The following ATP2B2 variants were observed in gnomAD, a reference collection of about 807,000 sequenced individuals.
ATP2B2 encodes the protein ATPase plasma membrane Ca2+ transporting 2, also known as plasma membrane calcium-transporting ATPase 2.
In ATP2B2, 15 loss-of-function variants were observed where a neutral mutation model predicts 120.0. The observed-to-expected ratio is 0.12, with a 90% confidence interval of 0.08 to 0.19. ATP2B2 has a LOEUF of 0.19. ATP2B2 is among the 10% of genes least tolerant of loss of function. The pLI, the probability that ATP2B2 is intolerant of heterozygous loss-of-function variation, is 1.00. For synonymous variants in ATP2B2, 694 were observed against 700.3 expected (o/e 0.99, Z 0.14); for missense variants, 1,045 against 1,719.8 (o/e 0.61, Z 6.94).
intron 3 of ATP2B2, among the ~76,000 whole-genome samples, chr3:10,512,464 G>GCGTGCGCACA (rs749056818): frequency 3.7e-5 from 5 of 136,924 alleles, no homozygotes; most frequent in African/African-American, 1.4e-4. Flanking sequence ...AAGTGTGTGC[G>GCGTGCGCACA]CACACACACA....
chr3:10,443,556 G>A (rs781593119), intron 2 of ATP2B2, among the ~76,000 whole-genome samples: 5 of 151,866 alleles, frequency 3.3e-5, no homozygotes, highest in South Asian at 2.1e-4. Flanking sequence ...CGAAGCTGCC[G>A]GAGCCCCCAT....
chr3:10,351,042 T>G (rs1326869067), intron 14 of ATP2B2, among the ~76,000 whole-genome samples: 1 of 152,222 alleles, frequency 6.6e-6, no homozygotes, highest in Non-Finnish European at 1.5e-5. Context: ...GGGGGGACAT[T>G]TGCATTTGGG....
At chr3:10,666,494 C>A (rs1418979731) in intron 1 of ATP2B2, among the ~76,000 whole-genome samples, 1 of 152,198 alleles carries the variant, frequency 6.6e-6, no homozygotes, top group Non-Finnish European at 1.5e-5. Flanking sequence ...CCCACCAATG[C>A]CCAACCAATC....
Position 10,553,408 on chromosome 3 carries a change from T to C in ATP2B2, c.-414-19275A>G, listed in dbSNP as rs1009398193. The stretch of plus-strand genomic sequence containing the variant: ...GATTAATTCAGACTGGGAAAGAGGG[T>C]GGAGGGGAAGAACAATGGGATTGAG... On this transcript the variant is annotated intron_variant, in intron 2 of 21. Transcript: ENST00000646379. 3.3e-5 allele frequency among the ~76,000 whole-genome samples: 5 copies of C among 151,734 alleles called. No homozygotes were observed. In the East Asian group the frequency reaches 5.8e-4, roughly 18 times the overall value.
chr3:10,328,132 T>C lies in ATP2B2; in HGVS notation c.*682A>G, dbSNP rs1355118813. ...CCATGTATATATATTTATATATATA[T>C]ATATATATCTACCTATCTATATGGA... On this transcript the variant is annotated 3_prime_UTR_variant, in exon 23 of 23. Coordinates refer to ENST00000360273, the MANE Select transcript of ATP2B2 (RefSeq NM_001001331.4). 1 of 149,626 alleles carries C rather than the reference T, an allele frequency of 6.7e-6. No individual in the cohort carries two copies. The highest frequency in any genetic ancestry group is 2.4e-5 in the African/African-American group (1 of 40,976). 9.3% of individuals were successfully genotyped at this position (149,626 alleles called of 1,614,324 possible).
intron 2 of ATP2B2, among the ~76,000 whole-genome samples, chr3:10,413,339 T>C (rs34911): frequency 0.67 from 102,122 of 152,172 alleles, 35,528 homozygotes; most frequent in African/African-American, 0.85. Context: ...GCTGAGACAC[T>C]CCCACTGGGG....
chr3:10,569,367 G>A (rs1170735909), intron 2 of ATP2B2, among the ~76,000 whole-genome samples: 1 of 152,176 alleles, frequency 6.6e-6, no homozygotes, highest in Non-Finnish European at 1.5e-5. Context: ...GCAGCAGCTT[G>A]GGAAGGTGAA....
At chr3:10,504,524 C>T (rs1339433351) in intron 1 of ATP2B2, among the ~76,000 whole-genome samples, 1 of 151,608 alleles carries the variant, frequency 6.6e-6, no homozygotes, top group Non-Finnish European at 1.5e-5. Flanking sequence ...CCGAGACCCC[C>T]AGGGCCCTTG....
intron 1 of ATP2B2, among the ~76,000 whole-genome samples, chr3:10,634,918 G>T (rs1019140080): frequency 6.6e-6 from 1 of 152,208 alleles, no homozygotes; most frequent in Non-Finnish European, 1.5e-5. Context: ...GTTTGGTGGG[G>T]AAGTCCTGTT....
chr3:10,534,630 C>T (rs2067273038), intron 2 of ATP2B2, among the ~76,000 whole-genome samples: 1 of 152,132 alleles, frequency 6.6e-6, no homozygotes, highest in Admixed American at 6.5e-5. Context: ...AAAGAGTGGT[C>T]ACAGGTGTGT....
chr3:10,550,406 A>C (rs1197487001), intron 2 of ATP2B2, among the ~76,000 whole-genome samples: 1 of 152,196 alleles, frequency 6.6e-6, no homozygotes, highest in Non-Finnish European at 1.5e-5. Flanking sequence ...ACTATATAAT[A>C]AATTTTGATT....
intron 2 of ATP2B2, among the ~76,000 whole-genome samples, chr3:10,425,847 C>G (rs2063130338): frequency 1.3e-5 from 2 of 152,232 alleles, no homozygotes; most frequent in Non-Finnish European, 2.9e-5. Flanking sequence ...AATTCGTACT[C>G]TACCCTGCAG....
At chr3:10,549,351 T>C (rs1174637491) in intron 2 of ATP2B2, among the ~76,000 whole-genome samples, 2 of 152,096 alleles carry the variant, frequency 1.3e-5, no homozygotes, top group African/African-American at 4.8e-5. Context: ...CTTTGTCACA[T>C]CTGTCTCAGC....
intron 2 of ATP2B2, among the ~76,000 whole-genome samples, chr3:10,442,296 G>A (rs537827099): frequency 6.6e-5 from 10 of 152,196 alleles, no homozygotes; most frequent in African/African-American, 2.4e-4. Context: ...AGTGAGCCAA[G>A]CAGCATCGCT....
At chr3:10,542,636 A>G (rs1198398049) in intron 2 of ATP2B2, among the ~76,000 whole-genome samples, 1 of 152,304 alleles carries the variant, frequency 6.6e-6, no homozygotes, top group East Asian at 1.9e-4. Flanking sequence ...TGATAGTTCT[A>G]TTCTTTCAGC....
intron 12 of ATP2B2, among the ~76,000 whole-genome samples, chr3:10,365,220 A>C (rs2061009272): frequency 6.6e-6 from 1 of 152,218 alleles, no homozygotes; most frequent in Non-Finnish European, 1.5e-5. Flanking sequence ...GCTCAGAGTC[A>C]CCAGGGCAGG....
chr3:10,433,429 T>C (rs1399545465), intron 2 of ATP2B2, among the ~76,000 whole-genome samples: 1 of 152,026 alleles, frequency 6.6e-6, no homozygotes, highest in Admixed American at 6.6e-5. Context: ...TCCAAATACA[T>C]CCCAGTGAGG....
intron 2 of ATP2B2, among the ~76,000 whole-genome samples, chr3:10,433,274 G>A (rs1427459249): frequency 6.6e-6 from 1 of 152,096 alleles, no homozygotes; most frequent in Non-Finnish European, 1.5e-5. Context: ...TTTCCCACAT[G>A]CCTATTTTCT....
intron 2 of ATP2B2, among the ~76,000 whole-genome samples, chr3:10,420,498 G>A (rs1181016803): frequency 6.6e-6 from 1 of 152,116 alleles, no homozygotes; most frequent in South Asian, 2.1e-4. Flanking sequence ...AGTAGCTGGG[G>A]TTACAGGTGC....
Sources: gnomAD v4.1 joint callset for allele counts (sites outside exome capture counted in the v4.1 genomes callset) on GRCh38, gnomAD v4.1.1 for gene constraint, MANE v1.5 for transcripts, NCBI Gene and HGNC (gene_info 2026-07-23, HGNC 2026-07-21) for gene names.